Variants in HLCS observed in about 807,000 individuals in gnomAD.
HLCS encodes the protein biotin--protein ligase.
A neutral mutation model predicts 75.0 loss-of-function variants in HLCS; 53 were observed. That is an observed-to-expected ratio of 0.71 (90% CI 0.57 to 0.89). HLCS has a LOEUF of 0.89. Among genes scored for constraint, HLCS ranks in the 40% least tolerant of loss-of-function variants. HLCS has a pLI of 0.00. For missense variants in HLCS, 966 were observed against 1,074.0 expected, an observed-to-expected ratio of 0.90 and a Z score of 1.41; for synonymous variants, 431 against 428.6, an observed-to-expected ratio of 1.01 and a Z score of -0.07.
At chr21:36,796,631 C>T (rs944188651) in intron 6 of HLCS, among the ~76,000 whole-genome samples, 34 of 152,288 alleles carry the variant, frequency 2.2e-4, no homozygotes, top group African/African-American at 7.2e-4. Flanking sequence ...GCCTTCCAGT[C>T]TTCCCACAGA....
chr21:36,963,315 C>A (rs900877822), intron 1 of HLCS, among the ~76,000 whole-genome samples: 1 of 152,088 alleles, frequency 6.6e-6, no homozygotes, highest in Non-Finnish European at 1.5e-5. Context: ...TCACCATCAC[C>A]CAGAACGAAG....
chr21:36,893,484 G>C (rs2064877865), intron 6 of HLCS, among the ~76,000 whole-genome samples: 1 of 152,164 alleles, frequency 6.6e-6, no homozygotes, highest in Non-Finnish European at 1.5e-5. Context: ...CACTGTTCCA[G>C]TAACAACTCC....
intron 2 of HLCS, among the ~76,000 whole-genome samples, chr21:36,954,256 T>C (rs1244996471): frequency 6.7e-6 from 1 of 149,410 alleles, no homozygotes; most frequent in Non-Finnish European, 1.5e-5. Flanking sequence ...CAGTGAGCTA[T>C]CACACCACTG....
At chr21:36,846,350 G>C (rs1338579077) in intron 6 of HLCS, among the ~76,000 whole-genome samples, 52 of 152,134 alleles carry the variant, frequency 3.4e-4, no homozygotes, top group Admixed American at 3.4e-3. Flanking sequence ...CTATACATTA[G>C]GCACTCAATA....
chr21:36,894,623 T>C (rs2064935844), intron 6 of HLCS, among the ~76,000 whole-genome samples: 1 of 152,122 alleles, frequency 6.6e-6, no homozygotes, highest in Non-Finnish European at 1.5e-5. Flanking sequence ...CAACCATTCA[T>C]CCAGTATCAG....
intron 6 of HLCS, among the ~76,000 whole-genome samples, chr21:36,768,270 G>A (rs1226559804): frequency 1.3e-5 from 2 of 152,176 alleles, no homozygotes; most frequent in Admixed American, 6.5e-5. Flanking sequence ...GGATGCGGAA[G>A]GGATGGCATT....
At chr21:36,788,931 G>C (rs2060778265) in intron 6 of HLCS, among the ~76,000 whole-genome samples, 1 of 152,198 alleles carries the variant, frequency 6.6e-6, no homozygotes, top group African/African-American at 2.4e-5. Context: ...TAGTGGGTAA[G>C]AGAAAGTCCC....
intron 2 of HLCS, among the ~76,000 whole-genome samples, chr21:36,950,754 T>C (rs2067634225): frequency 6.6e-6 from 1 of 152,138 alleles, no homozygotes; most frequent in Non-Finnish European, 1.5e-5. Flanking sequence ...ACTTGACAGT[T>C]ATATCATCCT....
intron 1 of HLCS, among the ~76,000 whole-genome samples, chr21:36,987,143 C>T (rs963696766): frequency 6.6e-6 from 1 of 152,210 alleles, no homozygotes; most frequent in African/African-American, 2.4e-5. Flanking sequence ...CCTGACTCAT[C>T]GTTGACCTTC....
intron 6 of HLCS, among the ~76,000 whole-genome samples, chr21:36,863,323 G>A (rs904910231): frequency 6.6e-6 from 1 of 152,070 alleles, no homozygotes; most frequent in Admixed American, 6.5e-5. Context: ...AGAGGAGAGA[G>A]AACTGACCAT....
intron 6 of HLCS, among the ~76,000 whole-genome samples, chr21:36,770,625 C>T (rs952828646): frequency 1.3e-5 from 2 of 149,270 alleles, no homozygotes; most frequent in Admixed American, 6.7e-5. Flanking sequence ...TCTGTCATCT[C>T]AGCTAGAGTG....
chr21:36,890,485 C>T (rs527588699), intron 6 of HLCS, among the ~76,000 whole-genome samples: 6 of 152,236 alleles, frequency 3.9e-5, no homozygotes, highest in Non-Finnish European at 8.8e-5. Flanking sequence ...CATCAGCAAG[C>T]GGCACCCACA....
intron 6 of HLCS, among the ~76,000 whole-genome samples, chr21:36,792,215 G>A (rs753016107): frequency 7.2e-5 from 11 of 152,124 alleles, no homozygotes; most frequent in East Asian, 1.9e-4. Context: ...CGGCTACCCC[G>A]CAGGCTCCCA....
At position 36,768,002 on chromosome 21, in the gene HLCS, GA is replaced by G. The variant is rs201977707; in HGVS notation, c.1893-718del. Among the ~76,000 whole-genome samples the G allele has an allele frequency of 1.2e-4, 18 of 151,434 alleles. No homozygotes were observed. The South Asian group carries it at 1.3e-3, about 11-fold the overall frequency. ...TTAACTTTTTTTCAAAAAAAGGAAAGAAAAAAAAATCACACAAAAACTCCCA... is the reference window on the plus strand; with the variant it reads ...TTAACTTTTTTTCAAAAAAAGGAAAGAAAAAAAATCACACAAAAACTCCCA... On this transcript the variant is annotated intron_variant, in intron 6 of 10. Coordinates refer to ENST00000674895, the MANE Select transcript of HLCS (RefSeq NM_001352514.2).
chr21:36,791,184 C>A (rs996284414), intron 6 of HLCS, among the ~76,000 whole-genome samples: 17 of 152,264 alleles, frequency 1.1e-4, no homozygotes, highest in African/African-American at 4.1e-4. Flanking sequence ...GTTGTAAAAA[C>A]AATTCAAATA....
chr21:36,783,002 G>A (rs1246530487), intron 6 of HLCS, among the ~76,000 whole-genome samples: 2 of 151,974 alleles, frequency 1.3e-5, no homozygotes, highest in African/African-American at 4.8e-5. Flanking sequence ...CCAAAACAAA[G>A]AAAACCTCCA....
intron 6 of HLCS, among the ~76,000 whole-genome samples, chr21:36,885,406 G>A (rs905958356): frequency 2.0e-5 from 3 of 151,888 alleles, no homozygotes; most frequent in Non-Finnish European, 2.9e-5. Flanking sequence ...TACTCGGGAC[G>A]CTGAGGTGGG....
intron 6 of HLCS, among the ~76,000 whole-genome samples, chr21:36,849,912 G>A (rs886664627): frequency 6.6e-6 from 1 of 152,190 alleles, no homozygotes; most frequent in Non-Finnish European, 1.5e-5. Flanking sequence ...CCTCAGCATG[G>A]ATGCACGCCT....
intron 5 of HLCS, among the ~76,000 whole-genome samples, chr21:36,919,545 T>C (rs914578412): frequency 2.0e-5 from 3 of 152,178 alleles, no homozygotes; most frequent in Non-Finnish European, 2.9e-5. Context: ...CGGTTTCCCA[T>C]GGTTTAATTG....
Sources: gnomAD v4.1 joint callset for allele counts (sites outside exome capture counted in the v4.1 genomes callset) on GRCh38, gnomAD v4.1.1 for gene constraint, MANE v1.5 for transcripts, NCBI Gene and HGNC (gene_info 2026-07-23, HGNC 2026-07-21) for gene names.